The following TCTN3 variants were observed in gnomAD, a reference collection of about 807,000 sequenced individuals.
The protein encoded by TCTN3 is tectonic-3.
A neutral mutation model predicts 71.3 loss-of-function variants in TCTN3; 57 were observed. That is an observed-to-expected ratio of 0.80 (90% CI 0.65 to 1.00). TCTN3 has a LOEUF of 1.00. Among genes scored for constraint, TCTN3 ranks in the 50% least tolerant of loss-of-function variants. The pLI, the probability that TCTN3 is intolerant of heterozygous loss-of-function variation, is 0.00. For missense variants in TCTN3, 696 were observed against 719.9 expected, an observed-to-expected ratio of 0.97 and a Z score of 0.38; for synonymous variants, 258 against 267.8, an observed-to-expected ratio of 0.96 and a Z score of 0.36.
intron 13 of TCTN3, among the ~76,000 whole-genome samples, chr10:95,670,399 C>T (rs886195514): frequency 2.6e-5 from 4 of 152,114 alleles, no homozygotes; most frequent in African/African-American, 9.7e-5. Flanking sequence ...ACTCTGATTG[C>T]CCAGGCTGGA....
At chr10:95,666,391 G>A (rs578200996) in intron 13 of TCTN3, among the ~76,000 whole-genome samples, 1 of 152,242 alleles carries the variant, frequency 6.6e-6, no homozygotes, top group Admixed American at 6.5e-5. Flanking sequence ...GCCAGGCATC[G>A]AAGACTGGCT....
At position 95,684,639 on chromosome 10, in the gene TCTN3, G is replaced by T. The variant is rs773472275; in HGVS notation, c.970-15C>A. ...TCATAGGTGACCTGAAATGCAAAAAGAATCAATTAATAAAAAGTAGTTATT... is the reference window on the plus strand; with the variant it reads ...TCATAGGTGACCTGAAATGCAAAAATAATCAATTAATAAAAAGTAGTTATT... On this transcript the variant is annotated splice_polypyrimidine_tract_variant and intron_variant, in intron 8 of 13. Transcript: ENST00000371217. 34 of 1,611,836 alleles carry T rather than the reference G, an allele frequency of 2.1e-5. No homozygotes were observed. In the East Asian group the frequency reaches 7.6e-4, roughly 36 times the overall value.
rs1477055788 is a variant in TCTN3, at chr10:95,675,550, C to T, written c.1590+4922G>A. Among the ~76,000 whole-genome samples, 8 of 152,282 alleles carry T rather than the reference C, an allele frequency of 5.3e-5. No homozygotes were observed. In the East Asian group the frequency reaches 1.3e-3, roughly 26 times the overall value. On this transcript the variant is annotated intron_variant, in intron 13 of 13. Coordinates refer to ENST00000371217, the MANE Select transcript of TCTN3 (RefSeq NM_015631.6). ...AACCACAGAAGGAGGCAAAGTACTTCTATAGTCTAATAGTTCATTAAGAGA... is the reference window on the plus strand; with the variant it reads ...AACCACAGAAGGAGGCAAAGTACTTTTATAGTCTAATAGTTCATTAAGAGA...
intron 3 of TCTN3, among the ~76,000 whole-genome samples, chr10:95,688,074 T>C (rs2097950158): frequency 6.6e-6 from 1 of 152,198 alleles, no homozygotes; most frequent in Admixed American, 6.5e-5. Flanking sequence ...AGAATGTGTA[T>C]GATCAGCAAT....
intron 7 of TCTN3, among the ~76,000 whole-genome samples, chr10:95,686,294 C>T (rs1258577507): frequency 6.6e-6 from 1 of 152,214 alleles, no homozygotes; most frequent in Admixed American, 6.5e-5. Flanking sequence ...ACTTATCTAA[C>T]ACCTTATGGA....
chr10:95,686,517 A>G lies in TCTN3; in HGVS notation c.866T>C (p.Met289Thr). The G allele has an allele frequency of 1.9e-6, 3 of 1,614,102 alleles. No individual in the cohort carries two copies. Among genetic ancestry groups the G allele is most frequent in the Non-Finnish European group, 2.5e-6 (3 of 1,179,992 alleles). ...NFTVLKVPRS[M>T]TDPQNMEFQV... is the part of the protein sequence containing the mutation. ...TACCTCCATATTCTGTGGATCAGTCATGCTTCTTGGAACCTAGGAGAACAG... is the reference window on the plus strand; with the variant it reads ...TACCTCCATATTCTGTGGATCAGTCGTGCTTCTTGGAACCTAGGAGAACAG... The change falls in exon 7 of 14, where the codon ATG becomes ACG. Residue 289 changes from methionine (M) to threonine (T), a missense_variant. By Grantham distance (81) the Met-to-Thr change is moderately conservative (BLOSUM62 -1). Coordinates refer to ENST00000371217, the MANE Select transcript of TCTN3 (RefSeq NM_015631.6).
intron 3 of TCTN3, among the ~76,000 whole-genome samples, chr10:95,692,544 G>A (rs1283822996): frequency 6.7e-6 from 1 of 148,496 alleles, no homozygotes; most frequent in African/African-American, 2.5e-5. Context: ...CGTAATAAGA[G>A]AGAAGAGGCA....
At chr10:95,686,565 C>G in intron 6 of TCTN3, 35 bp from the exon 7 acceptor site, 1 of 1,604,762 alleles carries the variant, frequency 6.2e-7, no homozygotes, top group South Asian at 1.1e-5. Flanking sequence ...TGTGCATATA[C>G]CTTACCAAAA....
intron 3 of TCTN3, among the ~76,000 whole-genome samples, chr10:95,688,191 C>A (rs1310925265): frequency 6.6e-6 from 1 of 151,870 alleles, no homozygotes; most frequent in Non-Finnish European, 1.5e-5. Flanking sequence ...GAGTTCGAGA[C>A]CAGCCTGGCC....
At chr10:95,692,405 C>T (rs540937767) in intron 3 of TCTN3, among the ~76,000 whole-genome samples, 23 of 152,102 alleles carry the variant, frequency 1.5e-4, no homozygotes, top group African/African-American at 5.5e-4. Context: ...ACTCGGGAAG[C>T]TAAGGCAGGA....
rs1336817606 is a variant in TCTN3 at position 95,693,778 on chromosome 10, C to T, written c.122G>A (p.Gly41Glu). 6.4e-7 allele frequency: 1 copy of T among 1,551,636 alleles called. No homozygotes were observed. The highest frequency in any genetic ancestry group is 2.0e-5 in the Admixed American group (1 of 51,002). The change falls in exon 1 of 14, where the codon GGG (glycine) becomes GAG (glutamate). Residue 41 changes from glycine to glutamate, a missense_variant. Gly to Glu is a moderately conservative substitution (Grantham distance 98). Coordinates refer to ENST00000371217, the MANE Select transcript of TCTN3 (RefSeq NM_015631.6). ...AVPTSLELQR[G>E]TDGGTLQSPS... is the part of the protein sequence containing the mutation. ...GGACTGGAGGGTTCCGCCATCCGTC[C>T]CTCGCTGCAGCTCCAAAGACGTGGG...
chr10:95,693,819 G>A lies in TCTN3; in HGVS notation c.81C>T (p.Ser27=). ...PDGVRPQPSS[S]PSGAVPTSLE... is the part of the protein sequence containing the mutation. Reference sequence around the variant, plus strand: ...AAGACGTGGGCACTGCCCCTGATGGGGAGGAAGAGGGCTGAGGCCGGACGC... The same window carrying A: ...AAGACGTGGGCACTGCCCCTGATGGAGAGGAAGAGGGCTGAGGCCGGACGC... The change falls in exon 1 of 14, where the codon TCC becomes TCT. Residue 27 remains serine (S), a synonymous_variant. Coordinates refer to ENST00000371217, the MANE Select transcript of TCTN3 (RefSeq NM_015631.6). The A allele has an allele frequency of 1.3e-6, 2 of 1,551,736 alleles. 1 individual carries two copies. The highest frequency in any genetic ancestry group is 1.7e-6 in the Non-Finnish European group (2 of 1,147,004).
chr10:95,693,777 C>T lies in TCTN3; in HGVS notation c.123G>A (p.Gly41=), dbSNP rs143038807. The part of the protein sequence containing the change: ...AVPTSLELQR[G]TDGGTLQSPS... ...GGGACTGGAGGGTTCCGCCATCCGTCCCTCGCTGCAGCTCCAAAGACGTGG... is the reference window on the plus strand; with the variant it reads ...GGGACTGGAGGGTTCCGCCATCCGTTCCTCGCTGCAGCTCCAAAGACGTGG... The change falls in exon 1 of 14, where the codon GGG becomes GGA. Residue 41 remains glycine (G), a synonymous_variant. Coordinates refer to ENST00000371217, the MANE Select transcript of TCTN3 (RefSeq NM_015631.6). The T allele has an allele frequency of 1.9e-6, 3 of 1,551,658 alleles. No homozygotes were observed. Among genetic ancestry groups the T allele is most frequent in the Admixed American group, 2.0e-5 (1 of 50,996 alleles).
rs775864673 is a variant in TCTN3 at position 95,683,500 on chromosome 10, CACCCA to C, written c.1203+17_1203+21del. The C allele has an allele frequency of 6.2e-7, 1 of 1,614,080 alleles. No homozygotes were observed. Among genetic ancestry groups the C allele is most frequent in the South Asian group, 1.1e-5 (1 of 91,078 alleles). ...CTTTTCTCATTAGGCTGCAACAGGC[CACCCA>C]GCTCTAAAAAGGATACTGAGTAACT... On this transcript the variant is annotated intron_variant, in intron 10 of 13. Coordinates refer to ENST00000371217, the MANE Select transcript of TCTN3 (RefSeq NM_015631.6).
At chr10:95,681,618 G>A (rs1007614718) in intron 12 of TCTN3, among the ~76,000 whole-genome samples, 3 of 152,108 alleles carry the variant, frequency 2.0e-5, no homozygotes, top group African/African-American at 4.8e-5. Flanking sequence ...TACTCCAGGA[G>A]GATTAATTGC....
intron 11 of TCTN3, 101 bp downstream of exon 11, chr10:95,683,000 G>C: frequency 3.8e-6 from 5 of 1,309,016 alleles, no homozygotes; most frequent in Admixed American, 4.0e-5. Flanking sequence ...TTCCTGACTA[G>C]CATTTTCCGA....
chr10:95,681,356 G>A (rs999355587), intron 12 of TCTN3, among the ~76,000 whole-genome samples: 6 of 152,188 alleles, frequency 3.9e-5, no homozygotes, highest in Admixed American at 3.9e-4. Flanking sequence ...GATTACAGGT[G>A]TAAGCCATGG....
At position 95,693,467 on chromosome 10, in the gene TCTN3, A is replaced by T; in HGVS notation, c.266T>A (p.Ile89Asn). Residue 89 changes from isoleucine (I) to asparagine (N), a missense_variant, in exon 2 of 14, where the codon ATC becomes AAC. By Grantham distance (149) the Ile-to-Asn change is moderately radical (BLOSUM62 -3). Transcript: ENST00000371217. ...RTVDLFPVLPICVCDLTPGAC... is the reference protein window; with the variant it reads ...RTVDLFPVLPNCVCDLTPGAC... ...TCCAGGAGTCAAGTCACAGACACAG[A>T]TCGGTAAGACTATGAAAGTACGACA... 6.4e-7 allele frequency: 1 copy of T among 1,552,176 alleles called. No homozygotes were observed. The highest frequency in any genetic ancestry group is 8.7e-7 in the Non-Finnish European group (1 of 1,147,096).
In TCTN3 at chr10:95,693,847, T is replaced by G; in HGVS notation, c.53A>C (p.Asp18Ala). 1 of 1,551,572 alleles carries G rather than the reference T, an allele frequency of 6.4e-7. No homozygotes were observed. The highest frequency in any genetic ancestry group is 8.7e-7 in the Non-Finnish European group (1 of 1,146,960). Residue 18 changes from aspartate to alanine, a missense_variant, in exon 1 of 14, where the codon GAT (aspartate) becomes GCT (alanine). Physicochemically the swap from Asp to Ala is moderately radical, Grantham distance 126. Coordinates refer to ENST00000371217, the MANE Select transcript of TCTN3 (RefSeq NM_015631.6). ...LLQVFFLVFPDGVRPQPSSSP... is the reference protein window; with the variant it reads ...LLQVFFLVFPAGVRPQPSSSP... Reference sequence around the variant, plus strand: ...GGAAGAGGGCTGAGGCCGGACGCCATCGGGGAACACCAGAAAGAACACTTG... The same window carrying G: ...GGAAGAGGGCTGAGGCCGGACGCCAGCGGGGAACACCAGAAAGAACACTTG...
Sources: gnomAD v4.1 joint callset for allele counts (sites outside exome capture counted in the v4.1 genomes callset) on GRCh38, gnomAD v4.1.1 for gene constraint, MANE v1.5 for transcripts, NCBI Gene and HGNC (gene_info 2026-07-23, HGNC 2026-07-21) for gene names.